DNM3: variants seen among roughly 807,000 people sequenced by gnomAD.
DNM3 encodes dynamin 3.
In DNM3, 47 loss-of-function variants were observed where a neutral mutation model predicts 101.6. The observed-to-expected ratio is 0.46, with a 90% CI of 0.37 to 0.59. DNM3 has a LOEUF of 0.59. Among genes scored for constraint, DNM3 ranks in the 20% least tolerant of loss-of-function variants. DNM3 has a pLI of 0.00. For synonymous variants in DNM3, 385 were observed against 387.9 expected (o/e 0.99, Z 0.09); for missense variants, 849 against 1,085.7 (o/e 0.78, Z 3.06).
At chr1:171,895,835 C>A (rs988693703) in intron 1 of DNM3, among the ~76,000 whole-genome samples, 1 of 152,048 alleles carries the variant, frequency 6.6e-6, no homozygotes, top group Non-Finnish European at 1.5e-5. Context: ...AGGAAGGGAT[C>A]CAGTTTCAGC....
At chr1:172,346,307 G>T (rs577222672) in intron 17 of DNM3, among the ~76,000 whole-genome samples, 1 of 152,234 alleles carries the variant, frequency 6.6e-6, no homozygotes, top group East Asian at 1.9e-4. Flanking sequence ...GTTTATTGGC[G>T]TAACTGAAGG....
chr1:171,928,124 G>A (rs1340048247), intron 2 of DNM3, among the ~76,000 whole-genome samples: 2 of 152,208 alleles, frequency 1.3e-5, no homozygotes, highest in South Asian at 2.1e-4. Flanking sequence ...TATTTTTGGT[G>A]TTGAAGCTTT....
intron 4 of DNM3, among the ~76,000 whole-genome samples, chr1:172,021,462 A>C (rs915436239): frequency 6.6e-6 from 1 of 152,212 alleles, no homozygotes; most frequent in Non-Finnish European, 1.5e-5. Flanking sequence ...TCTCTAAAAA[A>C]ACAAAACAAA....
At chr1:172,319,217 C>A (rs1179255260) in intron 16 of DNM3, among the ~76,000 whole-genome samples, 1 of 151,940 alleles carries the variant, frequency 6.6e-6, no homozygotes, top group African/African-American at 2.4e-5. Flanking sequence ...CCCTTCCTTA[C>A]ACCTTATACA....
In DNM3 at chr1:171,841,642, G is replaced by C. The variant is rs1459231214; in HGVS notation, c.-15G>C. On this transcript the variant is annotated 5_prime_UTR_variant, in exon 1 of 21. Coordinates refer to ENST00000627582, the MANE Select transcript of DNM3 (RefSeq NM_015569.5). The stretch of plus-strand genomic sequence containing the variant: ...GGCGAGCAGGGACCAGCTGGTCGCC[G>C]GCCCCTCGGGCAAGATGGGGAACCG... 2 of 1,604,878 alleles carry C rather than the reference G, an allele frequency of 1.2e-6. No individual in the cohort carries two copies. Among genetic ancestry groups the C allele is most frequent in the Non-Finnish European group, 1.7e-6 (2 of 1,176,612 alleles).
intron 20 of DNM3, among the ~76,000 whole-genome samples, chr1:172,398,097 C>A (rs1462152977): frequency 6.6e-6 from 1 of 152,144 alleles, no homozygotes; most frequent in Non-Finnish European, 1.5e-5. Context: ...AATTAAAATG[C>A]ATTTTAAGGT....
chr1:172,148,635 C>G (rs1445424772), intron 14 of DNM3, among the ~76,000 whole-genome samples: 1 of 152,090 alleles, frequency 6.6e-6, no homozygotes. Flanking sequence ...AAAGCAGGAT[C>G]TAACCAAGTT....
chr1:171,895,397 G>A (rs2037692084), intron 1 of DNM3, among the ~76,000 whole-genome samples: 2 of 152,214 alleles, frequency 1.3e-5, no homozygotes, highest in Non-Finnish European at 2.9e-5. Flanking sequence ...GTGATGATGA[G>A]CATTTATTCA....
chr1:172,408,869 G>A lies in DNM3; in HGVS notation c.*1028G>A, dbSNP rs926005532. 1.5e-5 allele frequency: 15 copies of A among 985,172 alleles called. No homozygotes were observed. In the African/African-American group the frequency reaches 2.6e-4, roughly 17 times the overall value. 61.0% of individuals were successfully genotyped at this position (985,172 alleles called of 1,614,324 possible). On this transcript the variant is annotated 3_prime_UTR_variant, in exon 21 of 21. Coordinates refer to ENST00000627582, the MANE Select transcript of DNM3 (RefSeq NM_015569.5). ...TCTAGGCTTTCTTAATAAATCTTGA[G>A]GCTATGGGATAATCACATTTAAAGA...
chr1:172,378,292 C>G (rs1400654897), intron 17 of DNM3: 1 of 152,034 alleles, frequency 6.6e-6, no homozygotes, highest in Non-Finnish European at 1.5e-5. Context: ...TAACTCAAGT[C>G]TCATAGTATA....
intron 2 of DNM3, among the ~76,000 whole-genome samples, chr1:171,981,313 G>A (rs572010474): frequency 6.6e-6 from 1 of 152,268 alleles, no homozygotes; most frequent in African/African-American, 2.4e-5. Flanking sequence ...GAAAACTCCA[G>A]TTAAAATTTT....
intron 10 of DNM3, among the ~76,000 whole-genome samples, chr1:172,061,316 G>A (rs186210535): frequency 0.27 from 33,180 of 124,438 alleles, 5,353 homozygotes; most frequent in East Asian, 0.58. Context: ...TAGAACTGGA[G>A]ATACCATTTG....
At chr1:172,157,058 T>C (rs548800450) in intron 14 of DNM3, among the ~76,000 whole-genome samples, 18 of 152,206 alleles carry the variant, frequency 1.2e-4, no homozygotes, top group African/African-American at 4.3e-4. Context: ...TCAAGTGCAT[T>C]AAATTTATTG....
At chr1:172,011,690 A>G (rs1212039245) in intron 4 of DNM3, among the ~76,000 whole-genome samples, 2 of 152,074 alleles carry the variant, frequency 1.3e-5, no homozygotes, top group Admixed American at 6.6e-5. Context: ...GAAAATTCTT[A>G]GTGAACCTTT....
chr1:172,149,010 T>C (rs2058029961), intron 14 of DNM3, among the ~76,000 whole-genome samples: 1 of 152,176 alleles, frequency 6.6e-6, no homozygotes, highest in African/African-American at 2.4e-5. Context: ...GAGATTTTCC[T>C]TCAACAACTG....
intron 2 of DNM3, among the ~76,000 whole-genome samples, chr1:171,945,269 T>G (rs1339772389): frequency 6.6e-6 from 1 of 152,168 alleles, no homozygotes; most frequent in African/African-American, 2.4e-5. Flanking sequence ...ATTATTTGCA[T>G]TTTTGGTTCA....
chr1:172,147,216 A>G (rs956507861), intron 14 of DNM3, among the ~76,000 whole-genome samples: 4 of 152,132 alleles, frequency 2.6e-5, no homozygotes, highest in Admixed American at 6.6e-5. Context: ...TCACACTTAC[A>G]TAAAAAGTTA....
chr1:172,344,384 G>C (rs1262609077), intron 17 of DNM3, among the ~76,000 whole-genome samples: 2 of 152,124 alleles, frequency 1.3e-5, no homozygotes, highest in African/African-American at 4.8e-5. Flanking sequence ...TGAACTAGAG[G>C]CTGTAATTAT....
intron 1 of DNM3, among the ~76,000 whole-genome samples, chr1:171,876,340 CA>C (rs987226077): frequency 1.3e-5 from 2 of 151,508 alleles, no homozygotes; most frequent in Non-Finnish European, 2.9e-5. Flanking sequence ...AAAGTCAAAA[CA>C]AAAAAAGGAC....
Sources: allele counts gnomAD v4.1 joint callset (sites outside exome capture counted in the v4.1 genomes callset), GRCh38; gene constraint gnomAD v4.1.1; transcripts MANE v1.5; gene names NCBI Gene and HGNC (gene_info 2026-07-23, HGNC 2026-07-21).